The following DPY19L4 variants were observed in gnomAD, a reference collection of about 807,000 sequenced individuals.
The protein encoded by DPY19L4 is dpy-19 like 4.
DPY19L4 carries 97 observed loss-of-function variants against 102.8 expected under a neutral mutation model. The observed-to-expected ratio is 0.94, with a 90% CI of 0.80 to 1.12. The LOEUF (loss-of-function observed/expected upper bound fraction) is 1.12, where lower values mean the gene tolerates loss of function less well. Ranked by LOEUF, DPY19L4 falls within the 50% of genes most tolerant of loss-of-function variation. The pLI is 0.00. For synonymous variants in DPY19L4, 252 were observed against 283.1 expected, an observed-to-expected ratio of 0.89 and a Z score of 1.10; for missense variants, 815 against 850.4, an observed-to-expected ratio of 0.96 and a Z score of 0.52.
chr8:94,724,853 G>C (rs1020980356), intron 1 of DPY19L4, among the ~76,000 whole-genome samples: 1 of 152,204 alleles, frequency 6.6e-6, no homozygotes, highest in African/African-American at 2.4e-5. Context: ...CTCCCAAAGT[G>C]CTGGGATTAC....
chr8:94,719,929 C>G lies in DPY19L4; in HGVS notation c.-70C>G. 1 of 1,442,890 alleles carries G rather than the reference C, an allele frequency of 6.9e-7. No homozygotes were observed. The highest frequency in any genetic ancestry group is 9.2e-7 in the Non-Finnish European group (1 of 1,092,440). The allele number at this position is 1,442,890 out of a possible 1,614,324, so 89.4% of individuals were successfully genotyped here. On this transcript the variant is annotated 5_prime_UTR_variant, in exon 1 of 19. Coordinates refer to ENST00000414645, the MANE Select transcript of DPY19L4 (RefSeq NM_181787.3). ...GCGGGCCCCCGGAGGCCGAGGGGTT[C>G]GGCGACGCGGAGGGAGGGAGAGTCT...
rs1428935422 is a variant in DPY19L4, at chr8:94,757,921, G to A, written c.735+1762G>A. 2.0e-5 allele frequency among the ~76,000 whole-genome samples: 3 copies of A among 151,958 alleles called. No individual in the cohort carries two copies. The South Asian group carries it at 6.2e-4, about 32-fold the overall frequency. On this transcript the variant is annotated intron_variant, in intron 7 of 18. Coordinates refer to ENST00000414645, the MANE Select transcript of DPY19L4 (RefSeq NM_181787.3). ...AGGTCAGGAGTTCGAGACCAGCCTG[G>A]CCAACATGGTGAACCCTCTCTCTAT...
intron 8 of DPY19L4, among the ~76,000 whole-genome samples, chr8:94,763,034 T>C (rs767668700): frequency 1.6e-4 from 24 of 148,252 alleles, no homozygotes; most frequent in Non-Finnish European, 3.4e-4. Context: ...CTGCAACCTC[T>C]GCCTCCCGGC....
chr8:94,765,750 A>G lies in DPY19L4; in HGVS notation c.1042A>G (p.Lys348Glu). ...AGGAAGTTTTGTAGCTAAAATAATA[A>G]AAGTGATTAATTTTTACTTGGTGTG... ...KKGSFVAKII[K>E]VINFYLVCTL... The change falls in exon 10 of 19, where the codon AAA (lysine) becomes GAA (glutamate). Residue 348 changes from lysine (K) to glutamate (E), a missense_variant. Transcript: ENST00000414645. 1 of 1,603,552 alleles carries G rather than the reference A, an allele frequency of 6.2e-7. No individual in the cohort carries two copies. Among genetic ancestry groups the G allele is most frequent in the Non-Finnish European group, 8.5e-7 (1 of 1,172,800 alleles).
chr8:94,746,915 AG>A (rs1053709304), intron 6 of DPY19L4, among the ~76,000 whole-genome samples: 1 of 152,000 alleles, frequency 6.6e-6, no homozygotes, highest in African/African-American at 2.4e-5. Context: ...CTTGGAGACA[AG>A]GTTAGCAGGT....
chr8:94,731,511 G>T (rs1810952451), intron 2 of DPY19L4, among the ~76,000 whole-genome samples: 1 of 151,808 alleles, frequency 6.6e-6, no homozygotes, highest in East Asian at 1.9e-4. Flanking sequence ...CCACCTCCCG[G>T]GTTCAAGCAA....
chr8:94,781,073 T>TTC lies in DPY19L4; in HGVS notation c.1633-10_1633-9insCT. On this transcript the variant is annotated splice_polypyrimidine_tract_variant and intron_variant, in intron 15 of 18. Coordinates refer to ENST00000414645, the MANE Select transcript of DPY19L4 (RefSeq NM_181787.3). ...TTTTGGGGATTTTTTTTTTTTTTTT[T>TTC]TGCATTTTAGTTTTTTCCCAGATTA... The TTC allele has an allele frequency of 6.4e-7, 1 of 1,555,992 alleles. No individual in the cohort carries two copies.
At chr8:94,769,130 C>T (rs184265651) in intron 12 of DPY19L4, among the ~76,000 whole-genome samples, 269 of 143,482 alleles carry the variant, frequency 1.9e-3, no homozygotes, top group African/African-American at 6.3e-3. Context: ...GGCACGATCT[C>T]GGCTCACCAC....
intron 16 of DPY19L4, 133 bp from the exon 17 acceptor site, chr8:94,783,537 G>T: frequency 7.9e-7 from 1 of 1,261,096 alleles, no homozygotes. Flanking sequence ...TGAATGAAAT[G>T]AAATGAAAAC....
intron 16 of DPY19L4, among the ~76,000 whole-genome samples, chr8:94,782,293 T>C (rs1309772272): frequency 6.6e-6 from 1 of 152,204 alleles, no homozygotes; most frequent in Non-Finnish European, 1.5e-5. Context: ...CCTCTGTCTC[T>C]CATCATCTAG....
rs528559731 is a variant in DPY19L4, at chr8:94,772,107, G to A, written c.1454+1536G>A. Among the ~76,000 whole-genome samples, 3 of 151,598 alleles carry A rather than the reference G, an allele frequency of 2.0e-5. 1 individual carries two copies. The South Asian group carries it at 6.2e-4, about 31-fold the overall frequency. On this transcript the variant is annotated intron_variant, in intron 13 of 18. Transcript: ENST00000414645. ...TAGTTTTTAAACTTCCCTTGTTCCT[G>A]CTTCTATAGAAAATCATGCCATCTT...
chr8:94,720,256 A>C, intron 1 of DPY19L4: 1 of 985,344 alleles, frequency 1.0e-6, no homozygotes, highest in South Asian at 4.7e-5. Flanking sequence ...AAAGTTGGGA[A>C]TCCGTAGCAA....
intron 6 of DPY19L4, chr8:94,744,947 T>A (rs573567195): frequency 5.3e-6 from 1 of 190,128 alleles, no homozygotes; most frequent in East Asian, 1.2e-4. Context: ...TATTGGTATG[T>A]ATCTTGTACT....
Position 94,780,349 on chromosome 8 carries a change from A to C in DPY19L4, c.1576-10A>C, listed in dbSNP as rs760938975. ...ATTTATTTGTAATCCTTTTTGCTTT[A>C]ATATTTTAGGCTCTTATTCTGAGCA... On this transcript the variant is annotated splice_polypyrimidine_tract_variant and intron_variant, in intron 14 of 18. Coordinates refer to ENST00000414645, the MANE Select transcript of DPY19L4 (RefSeq NM_181787.3). The C allele has an allele frequency of 4.8e-6, 7 of 1,459,506 alleles. No homozygotes were observed. The highest frequency in any genetic ancestry group is 9.2e-7 in the Non-Finnish European group (1 of 1,089,096). 90.4% of individuals were successfully genotyped at this position (1,459,506 alleles called of 1,614,324 possible).
intron 16 of DPY19L4, among the ~76,000 whole-genome samples, chr8:94,782,678 A>G (rs1813484414): frequency 6.6e-6 from 1 of 152,238 alleles, no homozygotes; most frequent in Non-Finnish European, 1.5e-5. Context: ...AAATTGGTTT[A>G]TAGAATAGGT....
intron 18 of DPY19L4, 83 bp from the exon 19 acceptor site, chr8:94,789,663 A>G: frequency 8.4e-7 from 1 of 1,194,382 alleles, no homozygotes; most frequent in Admixed American, 2.5e-5. Context: ...TTTTTCATAT[A>G]AATATACTCA....
At chr8:94,775,126 T>G (rs570997147) in intron 13 of DPY19L4, among the ~76,000 whole-genome samples, 2 of 152,302 alleles carry the variant, frequency 1.3e-5, no homozygotes, top group African/African-American at 4.8e-5. Flanking sequence ...TCCAATTTTT[T>G]TGTGTGTGCC....
At position 94,768,519 on chromosome 8, in the gene DPY19L4, C is replaced by G. The variant is rs957550037; in HGVS notation, c.1300C>G (p.Leu434Val). ...FYILVLIICF[L>V]SMLQVIFRRI... ...CATTCTAGTGTTAATTATTTGTTTT[C>G]TTTCTATGTTGCAAGTTATTTTTAG... Residue 434 changes from leucine (L) to valine (V), a missense_variant, in exon 12 of 19, where the codon CTT (leucine) becomes GTT (valine). Leu to Val is a conservative substitution (Grantham distance 32). Transcript: ENST00000414645. 1.9e-6 allele frequency: 3 copies of G among 1,561,690 alleles called. No individual in the cohort carries two copies. Among genetic ancestry groups the G allele is most frequent in the Non-Finnish European group, 2.6e-6 (3 of 1,144,218 alleles).
chr8:94,744,902 T>C (rs1485467727), intron 6 of DPY19L4: 1 of 219,876 alleles, frequency 4.5e-6, no homozygotes, highest in African/African-American at 2.3e-5. Flanking sequence ...AGCTAAGTTT[T>C]AAAAAATGCG....
Sources: gnomAD v4.1 joint callset for allele counts (sites outside exome capture counted in the v4.1 genomes callset) on GRCh38, gnomAD v4.1.1 for gene constraint, MANE v1.5 for transcripts, NCBI Gene and HGNC (gene_info 2026-07-23, HGNC 2026-07-21) for gene names.